The following PANK1 variants were observed in gnomAD, a reference collection of about 807,000 sequenced individuals.
The protein encoded by PANK1 is pantothenate kinase 1.
Under a neutral mutation model 40.1 loss-of-function variants are expected in PANK1, and 18 were observed. The ratio of observed to expected loss-of-function variants is 0.45; its 90% CI spans 0.31 to 0.67. PANK1 has a LOEUF of 0.67. PANK1 is among the 30% of genes least tolerant of loss of function. The pLI is 0.06. For synonymous variants in PANK1, 242 were observed against 237.7 expected, an observed-to-expected ratio of 1.02 and a Z score of -0.17; for missense variants, 457 against 599.6, an observed-to-expected ratio of 0.76 and a Z score of 2.48.
intron 5 of PANK1, among the ~76,000 whole-genome samples, chr10:89,589,218 A>C (rs187828293): frequency 6.6e-6 from 1 of 152,280 alleles, no homozygotes; most frequent in Admixed American, 6.5e-5. Context: ...AATAATGCTC[A>C]ATTTGTTCTG....
chr10:89,607,537 C>T (rs148963382), intron 2 of PANK1, among the ~76,000 whole-genome samples: 5 of 152,306 alleles, frequency 3.3e-5, no homozygotes, highest in African/African-American at 1.2e-4. Flanking sequence ...TGCCAATAGA[C>T]TTGCTCAATG....
chr10:89,600,787 C>T (rs998567517), intron 2 of PANK1, among the ~76,000 whole-genome samples: 1 of 151,528 alleles, frequency 6.6e-6, no homozygotes, highest in Non-Finnish European at 1.5e-5. Flanking sequence ...TTTCCATGGA[C>T]CAAAGAAAGA....
intron 5 of PANK1, among the ~76,000 whole-genome samples, chr10:89,592,213 T>C (rs1819001045): frequency 6.6e-6 from 1 of 152,200 alleles, no homozygotes; most frequent in Non-Finnish European, 1.5e-5. Context: ...AGTAACATAC[T>C]CTGTTCAGTG....
intron 2 of PANK1, among the ~76,000 whole-genome samples, chr10:89,603,490 C>G (rs768330215): frequency 2.6e-5 from 4 of 152,114 alleles, no homozygotes; most frequent in Non-Finnish European, 5.9e-5. Context: ...CTGTATAGAT[C>G]CTGGCTGTGG....
rs1461989711 is a variant in PANK1, at chr10:89,645,155, C to G, written c.-264G>C. ...CCGGGCGCGGAATCGGGGATCCCCG[C>G]GCACCCCCAGCCGGGGCTCCCGCCG... On this transcript the variant is annotated 5_prime_UTR_variant, in exon 1 of 7. Transcript: ENST00000307534. 2.1e-5 allele frequency: 32 copies of G among 1,530,158 alleles called. No individual in the cohort carries two copies. The East Asian group carries it at 8.9e-4, about 42-fold the overall frequency. 94.8% of individuals were successfully genotyped at this position (1,530,158 alleles called of 1,614,324 possible).
chr10:89,586,413 G>A (rs1188951398), intron 6 of PANK1, among the ~76,000 whole-genome samples: 2 of 152,190 alleles, frequency 1.3e-5, no homozygotes, highest in South Asian at 2.1e-4. Flanking sequence ...GGTAGGGAGT[G>A]GAGGTTCTGG....
intron 1 of PANK1, among the ~76,000 whole-genome samples, chr10:89,633,421 C>CA (rs1841710247): frequency 6.6e-6 from 1 of 151,982 alleles, no homozygotes; most frequent in South Asian, 2.1e-4. Context: ...AAACCTTCCA[C>CA]AAAAAAGGAT....
chr10:89,639,336 C>T, intron 1 of PANK1: 1 of 323,766 alleles, frequency 3.1e-6, no homozygotes, highest in Admixed American at 3.3e-5. Context: ...ATGACCTAAA[C>T]ATCCCCCATT....
At chr10:89,604,692 C>CA (rs34373242) in intron 2 of PANK1, among the ~76,000 whole-genome samples, 8,557 of 79,902 alleles carry the variant, frequency 0.11, 592 homozygotes, top group Non-Finnish European at 0.13. Flanking sequence ...AACTCCGTCT[C>CA]AAAAAAAAAA....
In PANK1 at chr10:89,644,817, G is replaced by T. The variant is rs371825552; in HGVS notation, c.75C>A (p.Ala25=). 7.6e-6 allele frequency: 11 copies of T among 1,456,194 alleles called. No individual in the cohort carries two copies. In the African/African-American group the frequency reaches 1.6e-4, roughly 22 times the overall value. 90.2% of individuals were successfully genotyped at this position (1,456,194 alleles called of 1,614,324 possible). A position where few individuals can be genotyped will look rare whatever the true frequency, so the allele number is the denominator to read the frequency against. ...SPGAPVGTSA[A]AVNGLLHNGF... is the part of the protein sequence containing the mutation. ...CGTTGTGCAGCAGCCCGTTCACAGCGGCGGCGCTGGTGCCCACGGGGGCCC... is the reference window on the plus strand; with the variant it reads ...CGTTGTGCAGCAGCCCGTTCACAGCTGCGGCGCTGGTGCCCACGGGGGCCC... The change falls in exon 1 of 7, where the codon GCC becomes GCA. Residue 25 remains alanine (A), a synonymous_variant. Transcript: ENST00000307534.
In PANK1 at chr10:89,586,401, G is replaced by C. The variant is rs373625652; in HGVS notation, c.1327-1936C>G. ...AAATAATCAGGTATTCTGGCTGTGG[G>C]GGGTAGGGAGTGGAGGTTCTGGGAC... On this transcript the variant is annotated intron_variant, in intron 6 of 6. Transcript: ENST00000307534. Among the ~76,000 whole-genome samples the C allele has an allele frequency of 1.2e-3, 185 of 152,140 alleles. 1 individual carries two copies. The highest frequency in any genetic ancestry group is 4.1e-3 in the African/African-American group (171 of 41,506).
At chr10:89,631,117 G>C (rs1433992560) in intron 1 of PANK1, among the ~76,000 whole-genome samples, 1 of 152,162 alleles carries the variant, frequency 6.6e-6, no homozygotes, top group Non-Finnish European at 1.5e-5. Flanking sequence ...TTACAACCCA[G>C]TATAAAAGTT....
intron 1 of PANK1, among the ~76,000 whole-genome samples, chr10:89,621,871 G>A (rs566633305): frequency 7.2e-5 from 11 of 152,244 alleles, no homozygotes; most frequent in Admixed American, 2.6e-4. Context: ...GTGTCACCAC[G>A]CCTTGCTAAT....
intron 2 of PANK1, among the ~76,000 whole-genome samples, chr10:89,599,747 C>T (rs1288133584): frequency 1.3e-5 from 2 of 152,168 alleles, no homozygotes; most frequent in Non-Finnish European, 2.9e-5. Flanking sequence ...TTGAAATGCA[C>T]CCATCAGCGT....
At chr10:89,608,621 C>T (rs1323476459) in intron 2 of PANK1, among the ~76,000 whole-genome samples, 1 of 152,140 alleles carries the variant, frequency 6.6e-6, no homozygotes, top group Non-Finnish European at 1.5e-5. Flanking sequence ...GTCTGTTGTA[C>T]ATCTTTTACC....
At chr10:89,632,419 T>C (rs1841678998) in intron 1 of PANK1, among the ~76,000 whole-genome samples, 1 of 152,128 alleles carries the variant, frequency 6.6e-6, no homozygotes, top group South Asian at 2.1e-4. Context: ...ACCCTGACAT[T>C]TCAGCAGCAA....
intron 2 of PANK1, among the ~76,000 whole-genome samples, chr10:89,609,017 T>G (rs1323569578): frequency 6.6e-6 from 1 of 152,228 alleles, no homozygotes; most frequent in African/African-American, 2.4e-5. Flanking sequence ...TTCTTTGCCC[T>G]GGTTTTTTCC....
intron 6 of PANK1, among the ~76,000 whole-genome samples, chr10:89,587,192 G>A (rs1305880801): frequency 6.6e-6 from 1 of 152,028 alleles, no homozygotes; most frequent in East Asian, 1.9e-4. Context: ...TTGTAAAGAG[G>A]TTCACTAATG....
chr10:89,603,783 GA>G (rs1249305526), intron 2 of PANK1, among the ~76,000 whole-genome samples: 2 of 152,142 alleles, frequency 1.3e-5, no homozygotes, highest in African/African-American at 4.8e-5. Flanking sequence ...CCCAACCCCA[GA>G]TAGCTTTTTC....
Sources: gnomAD v4.1 joint callset for allele counts (sites outside exome capture counted in the v4.1 genomes callset) on GRCh38, gnomAD v4.1.1 for gene constraint, MANE v1.5 for transcripts, NCBI Gene and HGNC (gene_info 2026-07-23, HGNC 2026-07-21) for gene names.